The following CORO2B variants were observed in gnomAD, a reference collection of about 807,000 sequenced individuals.
CORO2B encodes coronin-2B.
Under a neutral mutation model 58.8 loss-of-function variants are expected in CORO2B, and 26 were observed. That is an observed-to-expected ratio of 0.44 (90% CI 0.32 to 0.61). The LOEUF (loss-of-function observed/expected upper bound fraction) is 0.61, where lower values mean the gene tolerates loss of function less well. Ranked by LOEUF, CORO2B falls within the 20% of genes least tolerant of loss-of-function variation. The pLI is 0.04. For missense variants in CORO2B, 460 were observed against 645.1 expected, an observed-to-expected ratio of 0.71 and a Z score of 3.11; for synonymous variants, 242 against 253.8, an observed-to-expected ratio of 0.95 and a Z score of 0.44.
In CORO2B at chr15:68,589,942, C is replaced by T. The variant is rs369373633; in HGVS notation, c.15+10665C>T. ...AGTGCATGCCCTACATGCCTGGCTG[C>T]CCCCCTGGCCTCCACAGTGGCCCGT... On this transcript the variant is annotated intron_variant, in intron 1 of 11. Transcript: ENST00000261861. Among the ~76,000 whole-genome samples, 11 of 152,300 alleles carry T rather than the reference C, an allele frequency of 7.2e-5. No homozygotes were observed. The East Asian group carries it at 7.7e-4, about 11-fold the overall frequency.
the CORO2B span, among the ~76,000 whole-genome samples, chr15:68,551,373 A>G: frequency 6.6e-6 from 1 of 152,094 alleles, no homozygotes; most frequent in Non-Finnish European, 1.5e-5. Context: ...CCAACCTGGC[A>G]TGAGGGTAGC....
chr15:68,631,651 C>T (rs943282383), intron 1 of CORO2B, among the ~76,000 whole-genome samples: 4 of 152,194 alleles, frequency 2.6e-5, no homozygotes, highest in Non-Finnish European at 4.4e-5. Context: ...AATCTCAACA[C>T]GTGTAAAGAG....
At chr15:68,543,969 A>G in the CORO2B span, among the ~76,000 whole-genome samples, 1,967 of 152,272 alleles carry the variant, frequency 0.013, 44 homozygotes, top group African/African-American at 0.045. Flanking sequence ...CAGACCAAGC[A>G]GTCTGCTGGA....
chr15:68,637,688 T>G (rs1300150218), intron 1 of CORO2B, among the ~76,000 whole-genome samples: 3 of 152,066 alleles, frequency 2.0e-5, no homozygotes, highest in Admixed American at 2.0e-4. Flanking sequence ...CTGCCACATA[T>G]CCTGATGGGC....
chr15:68,681,366 T>C (rs1227217992), intron 2 of CORO2B, among the ~76,000 whole-genome samples: 2 of 151,962 alleles, frequency 1.3e-5, no homozygotes, highest in Non-Finnish European at 2.9e-5. Context: ...CTAAAGACCG[T>C]GTCACAAGGA....
At chr15:68,677,494 A>G (rs1471034414) in intron 2 of CORO2B, among the ~76,000 whole-genome samples, 1 of 152,202 alleles carries the variant, frequency 6.6e-6, no homozygotes, top group East Asian at 1.9e-4. Context: ...TTCCTTGGGC[A>G]GCTGGGAGGC....
chr15:68,601,647 G>A (rs1899985917), intron 1 of CORO2B, among the ~76,000 whole-genome samples: 1 of 152,214 alleles, frequency 6.6e-6, no homozygotes, highest in South Asian at 2.1e-4. Context: ...TTGGCCAAGA[G>A]AACAGCTAGG....
chr15:68,715,062 C>T (rs1233668477), intron 7 of CORO2B, among the ~76,000 whole-genome samples, 153 bp from the exon 8 acceptor site: 1 of 152,170 alleles, frequency 6.6e-6, no homozygotes, highest in Non-Finnish European at 1.5e-5. Flanking sequence ...CCCTGTGGTG[C>T]ACCCACTAGG....
Position 68,689,945 on chromosome 15 carries a change from T to A in CORO2B, c.217-5195T>A, listed in dbSNP as rs148238368. ...GGTAAAATTTTTAGGAATTTAGGAG[T>A]TTTGCAAGCTGGTTGTTAAACAGAG... On this transcript the variant is annotated intron_variant, in intron 2 of 11. Transcript: ENST00000261861. 4.5e-4 allele frequency among the ~76,000 whole-genome samples: 68 copies of A among 152,212 alleles called. No individual in the cohort carries two copies. In the East Asian group the frequency reaches 0.011, roughly 25 times the overall value.
intron 1 of CORO2B, among the ~76,000 whole-genome samples, chr15:68,609,968 T>C (rs12904875): frequency 0.16 from 23,597 of 152,234 alleles, 1,961 homozygotes; most frequent in African/African-American, 0.21. Flanking sequence ...CCTGTAATTG[T>C]GCAACCAGCC....
the CORO2B span, among the ~76,000 whole-genome samples, chr15:68,543,146 A>G: frequency 6.6e-6 from 1 of 152,188 alleles, no homozygotes; most frequent in African/African-American, 2.4e-5. Flanking sequence ...GCATGGCCAG[A>G]TATCTCCACA....
intron 4 of CORO2B, 31 bp from the exon 5 acceptor site, chr15:68,711,511 G>A (rs1272466391): frequency 6.3e-7 from 1 of 1,596,948 alleles, no homozygotes; most frequent in Non-Finnish European, 8.5e-7. Context: ...AGCAGCCACT[G>A]ACCCTGCCTC....
intron 1 of CORO2B, among the ~76,000 whole-genome samples, chr15:68,638,924 A>G (rs1350182262): frequency 6.6e-6 from 1 of 152,202 alleles, no homozygotes. Flanking sequence ...TGCTGTCAAC[A>G]GCAAGGGACT....
Position 68,725,893 on chromosome 15 carries a change from G to A in CORO2B, c.1362G>A (p.Glu454=), listed in dbSNP as rs1262535135. The A allele has an allele frequency of 6.2e-7, 1 of 1,614,090 alleles. No homozygotes were observed. Residue 454 remains glutamate (E), a synonymous_variant, in exon 12 of 12, where the codon GAG becomes GAA. Transcript: ENST00000261861. Reference sequence around the variant, plus strand: ...AGGATGAGATTCGACGGTTGAAAGAGGAGCTGGCCCAGAAGGACATCCGCA... The same window carrying A: ...AGGATGAGATTCGACGGTTGAAAGAAGAGCTGGCCCAGAAGGACATCCGCA... ...RQQDEIRRLK[E]ELAQKDIRIR... is the part of the protein sequence containing the mutation.
Position 68,645,319 on chromosome 15 carries a change from A to G in CORO2B, c.175A>G (p.Ser59Gly). Reference sequence around the variant, plus strand: ...CCGCTTCCTGGCCATCGTCACCGAGAGCGCAGGGGGCGGCTCCTTCCTCGT... The same window carrying G: ...CCGCTTCCTGGCCATCGTCACCGAGGGCGCAGGGGGCGGCTCCTTCCTCGT... ...NTRFLAIVTESAGGGSFLVIP... is the reference protein window; with the variant it reads ...NTRFLAIVTEGAGGGSFLVIP... Residue 59 changes from serine to glycine, a missense_variant, in exon 2 of 12, where the codon AGC (serine) becomes GGC (glycine). Around this residue, in one of 2 missense-constraint regions of CORO2B, gnomAD observed 352 missense variants for 543.0 expected, o/e 0.65. Coordinates refer to ENST00000261861, the MANE Select transcript of CORO2B (RefSeq NM_006091.5). This position sits in a 1 kb window ranked among gnomAD's most constrained non-coding sequence, Gnocchi z 4.5. The G allele has an allele frequency of 6.2e-7, 1 of 1,612,908 alleles. No homozygotes were observed. Among genetic ancestry groups the G allele is most frequent in the Non-Finnish European group, 8.5e-7 (1 of 1,179,980 alleles).
At chr15:68,621,098 C>T (rs1326776367) in intron 1 of CORO2B, among the ~76,000 whole-genome samples, 1 of 152,200 alleles carries the variant, frequency 6.6e-6, no homozygotes, top group Non-Finnish European at 1.5e-5. Flanking sequence ...AGTGAATATT[C>T]TCAACTGTGT....
chr15:68,694,389 C>T (rs764943267), intron 2 of CORO2B, among the ~76,000 whole-genome samples: 18 of 152,154 alleles, frequency 1.2e-4, no homozygotes, highest in Non-Finnish European at 1.3e-4. Context: ...GAGGGGAAAC[C>T]GAGGCTCAGA....
chr15:68,519,171 G>A, the CORO2B span, among the ~76,000 whole-genome samples: 1 of 152,150 alleles, frequency 6.6e-6, no homozygotes, highest in African/African-American at 2.4e-5. Context: ...GGCATCTCTG[G>A]GGAAACCCAA....
chr15:68,696,172 C>A (rs1300078087), intron 3 of CORO2B, among the ~76,000 whole-genome samples: 1 of 151,416 alleles, frequency 6.6e-6, no homozygotes, highest in Non-Finnish European at 1.5e-5. Context: ...ATCACTTGAG[C>A]CTGGAAGGTC....
Sources: gnomAD v4.1 joint callset for allele counts (sites outside exome capture counted in the v4.1 genomes callset) on GRCh38, gnomAD v4.1.1 for gene constraint, gnomAD v4.1.1 regional missense constraint, Gnocchi (gnomAD v3.1) non-coding constraint, MANE v1.5 for transcripts, NCBI Gene and HGNC (gene_info 2026-07-23, HGNC 2026-07-21) for gene names.